The following PPFIBP2 variants were observed in gnomAD, a reference collection of about 807,000 sequenced individuals.
The protein encoded by PPFIBP2 is PPFIB scaffold protein 2, also known as liprin-beta-2.
Under a neutral mutation model 118.3 loss-of-function variants are expected in PPFIBP2, and 118 were observed. The ratio of observed to expected loss-of-function variants is 1.00; its 90% CI spans 0.86 to 1.16. The LOEUF is 1.16. PPFIBP2 is among the 50% of genes most tolerant of loss of function. PPFIBP2 has a pLI of 0.00. For synonymous variants in PPFIBP2, 414 were observed against 397.4 expected, an observed-to-expected ratio of 1.04 and a Z score of -0.50; for missense variants, 1,195 against 1,073.1, an observed-to-expected ratio of 1.11 and a Z score of -1.59.
intron 23 of PPFIBP2, among the ~76,000 whole-genome samples, chr11:7,652,614 C>T (rs563538787): frequency 3.3e-5 from 5 of 152,322 alleles, no homozygotes; most frequent in Admixed American, 2.6e-4. Context: ...GGCTATCCTA[C>T]GCGCCTTTAG....
intron 1 of PPFIBP2, among the ~76,000 whole-genome samples, chr11:7,516,718 C>A (rs369193537): frequency 3.3e-5 from 5 of 152,252 alleles, no homozygotes; most frequent in Middle Eastern, 6.8e-3. Flanking sequence ...CAGACGGCCC[C>A]TCTCTCTGTC....
At chr11:7,648,259 GTTGT>G in intron 17 of PPFIBP2, 124 bp from the exon 18 acceptor site, 3 of 1,047,206 alleles carry the variant, frequency 2.9e-6, no homozygotes, top group Non-Finnish European at 4.0e-6. Context: ...CATGATGGAG[GTTGT>G]TTGTTAAAAA....
chr11:7,530,240 G>C (rs891062515), intron 1 of PPFIBP2, among the ~76,000 whole-genome samples: 1 of 152,112 alleles, frequency 6.6e-6, no homozygotes, highest in Admixed American at 6.5e-5. Flanking sequence ...CCCTGTGTAA[G>C]GCAGATATTA....
chr11:7,645,347 C>G (rs535477776), intron 17 of PPFIBP2, among the ~76,000 whole-genome samples: 2 of 152,268 alleles, frequency 1.3e-5, no homozygotes, highest in Non-Finnish European at 2.9e-5. Flanking sequence ...TGTGCCGATT[C>G]GCTCAGTGCT....
chr11:7,554,900 G>T (rs1853431603), intron 2 of PPFIBP2, among the ~76,000 whole-genome samples: 1 of 151,886 alleles, frequency 6.6e-6, no homozygotes. Flanking sequence ...TAGGATCTTT[G>T]TCAATAATGA....
chr11:7,516,539 A>C lies in PPFIBP2; in HGVS notation c.-37+2418A>C. Among the ~76,000 whole-genome samples, 2 of 152,144 alleles carry C rather than the reference A, an allele frequency of 1.3e-5. 1 individual carries two copies. The highest frequency in any genetic ancestry group is 6.3e-3 in the Middle Eastern group (2 of 316). ...TTGGTTCGAACCCCGAGAGCCTGCC[A>C]ACAGACAACATGAGGCGGTGTGGGG... On this transcript the variant is annotated intron_variant, in intron 1 of 23. Transcript: ENST00000299492.
intron 6 of PPFIBP2, among the ~76,000 whole-genome samples, chr11:7,619,419 GAGAA>G (rs1849075550): frequency 6.6e-6 from 1 of 152,236 alleles, no homozygotes; most frequent in Admixed American, 6.5e-5. Context: ...CATAACTAGG[GAGAA>G]AGAGTGATCC....
At chr11:7,646,256 T>C (rs1853041133) in intron 17 of PPFIBP2, among the ~76,000 whole-genome samples, 1 of 152,252 alleles carries the variant, frequency 6.6e-6, no homozygotes, top group Non-Finnish European at 1.5e-5. Flanking sequence ...AAATGAACTT[T>C]GTCAATTCAA....
At chr11:7,536,314 C>A (rs562316592) in intron 1 of PPFIBP2, among the ~76,000 whole-genome samples, 2 of 152,212 alleles carry the variant, frequency 1.3e-5, no homozygotes, top group African/African-American at 4.8e-5. Flanking sequence ...GACGTCCCAC[C>A]ACTGGGGGTG....
chr11:7,594,960 C>T (rs9787734), intron 4 of PPFIBP2, among the ~76,000 whole-genome samples: 33,458 of 146,278 alleles, frequency 0.23, 3,912 homozygotes, highest in South Asian at 0.26. Context: ...TGTGAATTGA[C>T]AATAAGCCAA....
intron 14 of PPFIBP2, among the ~76,000 whole-genome samples, 171 bp from the exon 15 acceptor site, chr11:7,639,561 G>T (rs1463502538): frequency 6.6e-6 from 1 of 152,130 alleles, no homozygotes; most frequent in Non-Finnish European, 1.5e-5. Context: ...TTCCTTCCTT[G>T]GAACTCTGGT....
Position 7,565,691 on chromosome 11 carries a change from A to G in PPFIBP2, c.203A>G (p.Gln68Arg). The G allele has an allele frequency of 1.2e-6, 2 of 1,614,168 alleles. No homozygotes were observed. The highest frequency in any genetic ancestry group is 1.7e-6 in the Non-Finnish European group (2 of 1,180,030). Residue 68 changes from glutamine to arginine, a missense_variant, in exon 3 of 24, where the codon CAG (glutamine) becomes CGG (arginine). Transcript: ENST00000299492. ...GCCTTGGAGATGCTGGAGCTTCCTCAGGAGAGAGCAGCCCTCCTGAGCCAG... is the reference window on the plus strand; with the variant it reads ...GCCTTGGAGATGCTGGAGCTTCCTCGGGAGAGAGCAGCCCTCCTGAGCCAG... ...RLALEMLELP[Q>R]ERAALLSQIP...
chr11:7,628,243 G>A lies in PPFIBP2; in HGVS notation c.827-42G>A, dbSNP rs573329603. The A allele has an allele frequency of 3.6e-5, 55 of 1,541,832 alleles. No homozygotes were observed. The South Asian group carries it at 5.6e-4, about 16-fold the overall frequency. ...TCATAGCAAGTGCGGATAGCTGTCTGTATTTATATAAATAATTATTTCTAT... is the reference window on the plus strand; with the variant it reads ...TCATAGCAAGTGCGGATAGCTGTCTATATTTATATAAATAATTATTTCTAT... On this transcript the variant is annotated intron_variant, in intron 8 of 23. Coordinates refer to ENST00000299492, the MANE Select transcript of PPFIBP2 (RefSeq NM_003621.5).
intron 1 of PPFIBP2, among the ~76,000 whole-genome samples, chr11:7,521,003 A>G (rs1344347956): frequency 2.0e-5 from 3 of 152,190 alleles, no homozygotes; most frequent in Non-Finnish European, 4.4e-5. Context: ...CTGTCCTAGA[A>G]TAATCTGTTT....
At position 7,603,092 on chromosome 11, in the gene PPFIBP2, A is replaced by G. The variant is rs147083773; in HGVS notation, c.486+5419A>G. ...GGAGAGCCTTTAAGCAGGTATTTCT[A>G]TCTCAAAGAGAATATTAAACAGAGC... On this transcript the variant is annotated intron_variant, in intron 5 of 23. Transcript: ENST00000299492. 1.6e-4 allele frequency among the ~76,000 whole-genome samples: 25 copies of G among 152,324 alleles called. No individual in the cohort carries two copies. In the South Asian group the frequency reaches 1.7e-3, roughly 10 times the overall value.
Position 7,611,395 on chromosome 11 carries a change from C to A in PPFIBP2, c.618+973C>A, listed in dbSNP as rs560712160. ...ATTGTTCCCTTCTGATAAGTGCCAG[C>A]ATTAGTGCATACTGACATCTGCCAT... On this transcript the variant is annotated intron_variant, in intron 6 of 23. Transcript: ENST00000299492. Among the ~76,000 whole-genome samples, 5 of 152,350 alleles carry A rather than the reference C, an allele frequency of 3.3e-5. No homozygotes were observed. In the South Asian group the frequency reaches 1.0e-3, roughly 32 times the overall value.
At chr11:7,560,666 G>A (rs1220920067) in intron 2 of PPFIBP2, among the ~76,000 whole-genome samples, 1 of 152,120 alleles carries the variant, frequency 6.6e-6, no homozygotes, top group East Asian at 1.9e-4. Flanking sequence ...TCTAGAATTG[G>A]ACTTGCTAGG....
chr11:7,643,970 C>G (rs1852600635), intron 17 of PPFIBP2, among the ~76,000 whole-genome samples: 3 of 152,174 alleles, frequency 2.0e-5, no homozygotes, highest in African/African-American at 7.2e-5. Flanking sequence ...CTATTACACC[C>G]ACATCCTTGT....
chr11:7,573,403 T>TG (rs1408610268), intron 3 of PPFIBP2, among the ~76,000 whole-genome samples: 1 of 152,248 alleles, frequency 6.6e-6, no homozygotes, highest in Non-Finnish European at 1.5e-5. Context: ...TGTTTTGAGA[T>TG]GGGAAAATAA....
Sources: gnomAD v4.1 joint callset for allele counts (sites outside exome capture counted in the v4.1 genomes callset) on GRCh38, gnomAD v4.1.1 for gene constraint, MANE v1.5 for transcripts, NCBI Gene and HGNC (gene_info 2026-07-23, HGNC 2026-07-21) for gene names.